PLA2G1B: variants seen among roughly 807,000 people sequenced by gnomAD.
PLA2G1B encodes the protein phospholipase A2.
PLA2G1B carries 12 observed loss-of-function variants against 12.5 expected under a neutral mutation model. That is an observed-to-expected ratio of 0.96 (90% CI 0.62 to 1.56). The LOEUF (loss-of-function observed/expected upper bound fraction) is 1.56, where lower values mean the gene tolerates loss of function less well. PLA2G1B is among the 40% of genes most tolerant of loss of function. The pLI, the probability that PLA2G1B is intolerant of heterozygous loss-of-function variation, is 0.00. For missense variants in PLA2G1B, 189 were observed against 186.7 expected (o/e 1.01, Z -0.07); for synonymous variants, 81 against 73.4 (o/e 1.10, Z -0.53).
chr12:120,325,128 C>A, intron 2 of PLA2G1B, 67 bp from the exon 3 acceptor site: 2 of 1,561,082 alleles, frequency 1.3e-6, no homozygotes, highest in Admixed American at 1.7e-5. Context: ...CTCACCTGCC[C>A]ACTCTCAGGA....
intron 3 of PLA2G1B, 87 bp downstream of exon 3, chr12:120,324,847 C>G: frequency 7.1e-7 from 1 of 1,407,486 alleles, no homozygotes; most frequent in African/African-American, 1.4e-5. Context: ...AAAATTAACA[C>G]TAAATCATGG....
Position 120,324,988 on chromosome 12 carries a change from G to A in PLA2G1B, c.268C>T (p.Pro90Ser), listed in dbSNP as rs750173768. 6.2e-7 allele frequency: 1 copy of A among 1,614,008 alleles called. No homozygotes were observed. Among genetic ancestry groups the A allele is most frequent in the Admixed American group, 1.7e-5 (1 of 60,000 alleles). The change falls in exon 3 of 4, where the codon CCG (proline) becomes TCG (serine). Residue 90 changes from proline (P) to serine (S), a missense_variant. By Grantham distance (74) the Pro-to-Ser change is moderately conservative. Transcript: ENST00000308366. Reference sequence around the variant, plus strand: ...GAGTATGAATAGGTGTGGGTGTACGGGTTGTCCAGCAGAAATTTACAGCTG... The same window carrying A: ...GAGTATGAATAGGTGTGGGTGTACGAGTTGTCCAGCAGAAATTTACAGCTG... The part of the protein sequence containing the change: ...LDSCKFLLDN[P>S]YTHTYSYSCS...
At chr12:120,322,944 A>G (rs1308967534) in intron 3 of PLA2G1B, among the ~76,000 whole-genome samples, 2 of 152,198 alleles carry the variant, frequency 1.3e-5, no homozygotes, top group Non-Finnish European at 2.9e-5. Context: ...TAAATGGAAT[A>G]CTACATAGAC....
At chr12:120,322,411 A>T in intron 3 of PLA2G1B, 94 bp from the exon 4 acceptor site, 1 of 1,149,014 alleles carries the variant, frequency 8.7e-7, no homozygotes, top group Non-Finnish European at 1.3e-6. Context: ...GCTGGCAGCC[A>T]TTCCACTGAT....
At chr12:120,326,623 A>AATAATC (rs1555211025) in intron 1 of PLA2G1B, among the ~76,000 whole-genome samples, 5 of 132,956 alleles carry the variant, frequency 3.8e-5, no homozygotes, top group Non-Finnish European at 6.5e-5. Context: ...TAATAATAAT[A>AATAATC]ATCTCTAACC....
Position 120,325,073 on chromosome 12 carries a change from G to T in PLA2G1B, c.195-12C>A, listed in dbSNP as rs1565875980. ...GTGTCTGGCAGCACCTGGAAAGTGG[G>T]AGGGACAGCTGAGATAGGAGTAAGT... On this transcript the variant is annotated splice_polypyrimidine_tract_variant and intron_variant, in intron 2 of 3. Coordinates refer to ENST00000308366, the MANE Select transcript of PLA2G1B (RefSeq NM_000928.3). 6.2e-7 allele frequency: 1 copy of T among 1,613,964 alleles called. No homozygotes were observed. The highest frequency in any genetic ancestry group is 8.5e-7 in the Non-Finnish European group (1 of 1,179,982).
At chr12:120,325,381 G>A (rs888496125) in intron 2 of PLA2G1B, among the ~76,000 whole-genome samples, 3 of 151,982 alleles carry the variant, frequency 2.0e-5, no homozygotes, top group African/African-American at 7.2e-5. Flanking sequence ...GTATTTTTTA[G>A]TAGAGACAGG....
In PLA2G1B at chr12:120,326,344, G is replaced by GTT. The variant is rs35592348; in HGVS notation, c.35-326_35-325dup. Among the ~76,000 whole-genome samples the GTT allele has an allele frequency of 5.1e-3, 654 of 127,566 alleles. 28 individuals are homozygous for GTT. In the East Asian group the frequency reaches 0.066, roughly 13 times the overall value. The allele number at this position is 127,566 out of a possible 152,430, so 83.7% of individuals were successfully genotyped here. On this transcript the variant is annotated intron_variant, in intron 1 of 3. Coordinates refer to ENST00000308366, the MANE Select transcript of PLA2G1B (RefSeq NM_000928.3). ...ATGTGCCACCCAGCTAGGCCTGATAGTTTTTTTTTTTTTTTTGAGATGGAG... is the reference window on the plus strand; with the variant it reads ...ATGTGCCACCCAGCTAGGCCTGATAGTTTTTTTTTTTTTTTTTTGAGATGGAG...
intron 3 of PLA2G1B, among the ~76,000 whole-genome samples, chr12:120,324,324 G>A (rs1165760922): frequency 6.6e-6 from 1 of 152,086 alleles, no homozygotes; most frequent in African/African-American, 2.4e-5. Flanking sequence ...AAAATAGGCA[G>A]TAATCCCTGT....
intron 3 of PLA2G1B, 149 bp downstream of exon 3, chr12:120,324,785 C>T: frequency 1.3e-6 from 1 of 761,166 alleles, no homozygotes; most frequent in Non-Finnish European, 2.2e-6. Context: ...ATAATTGTAC[C>T]TATCCCATAG....
At chr12:120,325,166 C>T in intron 2 of PLA2G1B, 105 bp from the exon 3 acceptor site, 1 of 1,089,214 alleles carries the variant, frequency 9.2e-7, no homozygotes, top group South Asian at 1.3e-5. Context: ...CGCCAAGATG[C>T]TTCAGGAGAA....
At chr12:120,326,710 C>A (rs1873358227) in intron 1 of PLA2G1B, among the ~76,000 whole-genome samples, 1 of 151,690 alleles carries the variant, frequency 6.6e-6, no homozygotes, top group Non-Finnish European at 1.5e-5. Flanking sequence ...GTGGCTCATG[C>A]CTGTAATCCC....
intron 3 of PLA2G1B, among the ~76,000 whole-genome samples, chr12:120,324,617 A>G (rs1873300158): frequency 1.3e-5 from 2 of 152,104 alleles, no homozygotes; most frequent in Admixed American, 1.3e-4. Context: ...GCAGTGACCT[A>G]TGGTTGCACC....
intron 3 of PLA2G1B, among the ~76,000 whole-genome samples, chr12:120,324,033 C>T (rs1873289597): frequency 6.6e-6 from 1 of 152,002 alleles, no homozygotes; most frequent in African/African-American, 2.4e-5. Context: ...AGTAATCGGC[C>T]AGGCACAGTG....
At chr12:120,326,242 GTATA>G in intron 1 of PLA2G1B, 4 of 277,992 alleles carry the variant, frequency 1.4e-5, no homozygotes, top group Non-Finnish European at 2.6e-5. Flanking sequence ...TTGTGTGTGT[GTATA>G]TATATATATA....
At position 120,322,330 on chromosome 12, in the gene PLA2G1B, G is replaced by T. The variant is rs1331795928; in HGVS notation, c.323-13C>A. On this transcript the variant is annotated splice_polypyrimidine_tract_variant and intron_variant, in intron 3 of 3. Coordinates refer to ENST00000308366, the MANE Select transcript of PLA2G1B (RefSeq NM_000928.3). ...TCTTTGTTTTTGCCTGGAGAGGGAT[G>T]AAAGGAGAGGACTGAGCCAAGGTGG... 6.2e-7 allele frequency: 1 copy of T among 1,613,040 alleles called. No homozygotes were observed. The highest frequency in any genetic ancestry group is 8.5e-7 in the Non-Finnish European group (1 of 1,179,490).
intron 1 of PLA2G1B, 113 bp downstream of exon 1, chr12:120,327,607 A>C: frequency 1.9e-6 from 2 of 1,029,962 alleles, no homozygotes; most frequent in Non-Finnish European, 3.1e-6. Flanking sequence ...TCGAATTGAG[A>C]CTGCGGGGCT....
chr12:120,322,182 A>G lies in PLA2G1B; in HGVS notation c.*11T>C, dbSNP rs968769844. 1 of 1,613,636 alleles carries G rather than the reference A, an allele frequency of 6.2e-7. No homozygotes were observed. Among genetic ancestry groups the G allele is most frequent in the Non-Finnish European group, 8.5e-7 (1 of 1,179,698 alleles). ...GAGGCAGATAGAGGTGATGCTTTTG[A>G]GAGGTGATATTCAACTCTGACAATA... is the stretch of plus-strand genomic sequence containing the variant. On this transcript the variant is annotated 3_prime_UTR_variant, in exon 4 of 4. Transcript: ENST00000308366.
chr12:120,327,205 G>T (rs1338706357), intron 1 of PLA2G1B, among the ~76,000 whole-genome samples: 1 of 152,032 alleles, frequency 6.6e-6, no homozygotes, highest in Non-Finnish European at 1.5e-5. Flanking sequence ...TGAGGCAAGA[G>T]AATTATTTGA....
Sources: allele counts gnomAD v4.1 joint callset (sites outside exome capture counted in the v4.1 genomes callset), GRCh38; gene constraint gnomAD v4.1.1; transcripts MANE v1.5; gene names NCBI Gene and HGNC (gene_info 2026-07-23, HGNC 2026-07-21).